Variants in MYBPC2 observed in about 807,000 individuals in gnomAD.
MYBPC2 encodes myosin binding protein C2.
MYBPC2 carries 122 observed loss-of-function variants against 137.0 expected under a neutral mutation model. The observed-to-expected ratio is 0.89, with a 90% confidence interval of 0.77 to 1.03. The LOEUF (loss-of-function observed/expected upper bound fraction) is 1.03, where lower values mean the gene tolerates loss of function less well. Ranked by LOEUF, MYBPC2 falls within the 50% of genes least tolerant of loss-of-function variation. The probability of loss-of-function intolerance (pLI) is 0.00; values close to 1 mark genes in which losing one functional copy is unlikely to be tolerated. For synonymous variants in MYBPC2, 626 were observed against 612.3 expected (o/e 1.02, Z -0.33); for missense variants, 1,500 against 1,534.4 (o/e 0.98, Z 0.37).
chr19:50,443,788 G>T lies in MYBPC2; in HGVS notation c.1105G>T (p.Val369Leu), dbSNP rs1181929110. Residue 369 changes from valine to leucine, a missense_variant, in exon 11 of 28, where the codon GTG (valine) becomes TTG (leucine). Coordinates refer to ENST00000357701, the MANE Select transcript of MYBPC2 (RefSeq NM_004533.4). ...VGDRVEMAVEVSEEGAQVMWM... is the reference protein window; with the variant it reads ...VGDRVEMAVELSEEGAQVMWM... ...TGACCGGGTGGAAATGGCAGTGGAG[G>T]TGTCAGAAGAGGGTGCCCAGGTGAT... 6 of 1,613,792 alleles carry T rather than the reference G, an allele frequency of 3.7e-6. No individual in the cohort carries two copies.
intron 1 of MYBPC2, among the ~76,000 whole-genome samples, chr19:50,433,330 T>C (rs3816551): frequency 0.47 from 71,830 of 151,544 alleles, 17,444 homozygotes; most frequent in African/African-American, 0.55. Context: ...TGGTTGTAAA[T>C]TGGGTTCCTT....
chr19:50,438,437 G>T (rs1338606486), intron 7 of MYBPC2, among the ~76,000 whole-genome samples: 1 of 152,162 alleles, frequency 6.6e-6, no homozygotes, highest in Non-Finnish European at 1.5e-5. Flanking sequence ...TGGATGGGGT[G>T]GGTGGACGAT....
intron 20 of MYBPC2, 140 bp downstream of exon 20, chr19:50,455,784 C>A: frequency 7.8e-7 from 1 of 1,278,816 alleles, no homozygotes; most frequent in Non-Finnish European, 1.0e-6. Flanking sequence ...TGTTATAAGT[C>A]TCTGGGATGG....
At chr19:50,459,936 A>G in intron 23 of MYBPC2, 104 bp from the exon 24 acceptor site, 1 of 1,469,964 alleles carries the variant, frequency 6.8e-7, no homozygotes, top group Non-Finnish European at 9.2e-7. Context: ...ATGGGGCATA[A>G]GAGAGGTTAG....
Position 50,435,233 on chromosome 19 carries a change from C to A in MYBPC2, c.92C>A (p.Pro31His). 1 of 1,266,756 alleles carries A rather than the reference C, an allele frequency of 7.9e-7. No homozygotes were observed. Among genetic ancestry groups the A allele is most frequent in the East Asian group, 2.4e-5 (1 of 42,218 alleles). The allele number at this position is 1,266,756 out of a possible 1,614,324, so 78.5% of individuals were successfully genotyped here. The change falls in exon 2 of 28, where the codon CCT becomes CAT. Residue 31 changes from proline to histidine, a missense_variant. Transcript: ENST00000357701. This position sits in a 1 kb window ranked among gnomAD's most constrained non-coding sequence, Gnocchi z 4.8. ...AAGGAGGCTCCCCCTAAGGAGGCTC[C>A]TGCAGAGGCCCCCAAAGGTGAGGAG... ...APKEAPPKEA[P>H]AEAPKEAPPE...
In MYBPC2 at chr19:50,464,297, G is replaced by T. The variant is rs766867838; in HGVS notation, c.3229-49G>T. 7.2e-6 allele frequency: 11 copies of T among 1,517,390 alleles called. No individual in the cohort carries two copies. The South Asian group carries it at 1.4e-4, about 19-fold the overall frequency. 94.0% of individuals were successfully genotyped at this position (1,517,390 alleles called of 1,614,324 possible). On this transcript the variant is annotated intron_variant, in intron 26 of 27. Coordinates refer to ENST00000357701, the MANE Select transcript of MYBPC2 (RefSeq NM_004533.4). ...TCCTGAGCCCCATTTTGTCATCATT[G>T]CCCAGGGTCTCTCTCTAAGTTGGCC...
At chr19:50,458,049 C>G (rs934847311) in intron 20 of MYBPC2, among the ~76,000 whole-genome samples, 5 of 151,584 alleles carry the variant, frequency 3.3e-5, no homozygotes, top group African/African-American at 1.2e-4. Flanking sequence ...TAATGAACAA[C>G]GCCTATAATC....
chr19:50,438,820 C>T (rs556881312), intron 7 of MYBPC2, among the ~76,000 whole-genome samples: 7 of 152,104 alleles, frequency 4.6e-5, no homozygotes, highest in Non-Finnish European at 1.0e-4. Context: ...GAGCCATGAT[C>T]GCGCCACTGC....
In MYBPC2 at chr19:50,440,323, AAAAT is replaced by A. The variant is rs58778063; in HGVS notation, c.573-520_573-517del. 4.1e-3 allele frequency among the ~76,000 whole-genome samples: 573 copies of A among 139,102 alleles called. 2 individuals carry two copies. Among genetic ancestry groups the A allele is most frequent in the African/African-American group, 1.0e-2 (371 of 37,250 alleles). 91.3% of individuals were successfully genotyped at this position (139,102 alleles called of 152,430 possible). On this transcript the variant is annotated intron_variant, in intron 7 of 27. Coordinates refer to ENST00000357701, the MANE Select transcript of MYBPC2 (RefSeq NM_004533.4). ...CTGTTTCCCAATAACCTGTGGAAATAAAATAAATAAATAAATAAATAAATAAATA... is the reference window on the plus strand; with the variant it reads ...CTGTTTCCCAATAACCTGTGGAAATAAAATAAATAAATAAATAAATAAATA...
At position 50,434,900 on chromosome 19, in the gene MYBPC2, C is replaced by T. The variant is rs151098140; in HGVS notation, c.20-261C>T. On this transcript the variant is annotated intron_variant, in intron 1 of 27. Transcript: ENST00000357701. ...GGTGGCCTGGGCGGATGGGGCAGGG[C>T]CTGCTGGGGGTAAGGGAAACCCGAT... Among the ~76,000 whole-genome samples the T allele has an allele frequency of 6.5e-3, 988 of 152,206 alleles. 11 individuals are homozygous for T. The highest frequency in any genetic ancestry group is 0.023 in the African/African-American group (942 of 41,516).
Position 50,462,048 on chromosome 19 carries a change from G to A in MYBPC2, c.3228+12G>A. On this transcript the variant is annotated intron_variant, in intron 26 of 27. Transcript: ENST00000357701. Reference sequence around the variant, plus strand: ...GAGGCCACCCGAAGGTGCCAGGGCAGGGACCCAGATCTGCGTGTGTGTTGC... The same window carrying A: ...GAGGCCACCCGAAGGTGCCAGGGCAAGGACCCAGATCTGCGTGTGTGTTGC... 6.4e-7 allele frequency: 1 copy of A among 1,569,622 alleles called. No homozygotes were observed. The highest frequency in any genetic ancestry group is 8.6e-7 in the Non-Finnish European group (1 of 1,157,086).
In MYBPC2 at chr19:50,440,053, G is replaced by A. The variant is rs141107632; in HGVS notation, c.573-827G>A. ...CAAGCAGCTTGGTTCAGGTGACTTTGGGGGGAGTGACGGAAGTAGCTGGGG... is the reference window on the plus strand; with the variant it reads ...CAAGCAGCTTGGTTCAGGTGACTTTAGGGGGAGTGACGGAAGTAGCTGGGG... On this transcript the variant is annotated intron_variant, in intron 7 of 27. Transcript: ENST00000357701. 5.2e-3 allele frequency among the ~76,000 whole-genome samples: 790 copies of A among 152,200 alleles called. 4 individuals carry two copies. Among genetic ancestry groups the A allele is most frequent in the African/African-American group, 0.018 (760 of 41,532 alleles).
chr19:50,453,703 G>C (rs1201333639), intron 16 of MYBPC2, among the ~76,000 whole-genome samples: 1 of 151,970 alleles, frequency 6.6e-6, no homozygotes, highest in African/African-American at 2.4e-5. Context: ...ACCAGGCCCG[G>C]CTAATTTTGT....
chr19:50,443,852 G>A (rs1263861417), intron 11 of MYBPC2, 36 bp downstream of exon 11: 20 of 1,576,724 alleles, frequency 1.3e-5, no homozygotes, highest in Non-Finnish European at 1.7e-5. Context: ...CCATACAGGT[G>A]CACATAGTTT....
In MYBPC2 at chr19:50,454,292, G is replaced by A. The variant is rs2039888039; in HGVS notation, c.1937G>A (p.Arg646His). The change falls in exon 18 of 28, where the codon CGC (arginine) becomes CAC (histidine). Residue 646 changes from arginine to histidine, a missense_variant. By Grantham distance (29) the Arg-to-His change is conservative (BLOSUM62 0). Coordinates refer to ENST00000357701, the MANE Select transcript of MYBPC2 (RefSeq NM_004533.4). ...GTCCCAGACCCCCCGGAGGCTGTGCGCATCACCTCGGTTGGAGAGGATTGG... is the reference window on the plus strand; with the variant it reads ...GTCCCAGACCCCCCGGAGGCTGTGCACATCACCTCGGTTGGAGAGGATTGG... ...VDVPDPPEAVRITSVGEDWAI... is the reference protein window; with the variant it reads ...VDVPDPPEAVHITSVGEDWAI... The A allele has an allele frequency of 3.1e-6, 5 of 1,613,920 alleles. No homozygotes were observed. Among genetic ancestry groups the A allele is most frequent in the East Asian group, 2.2e-5 (1 of 44,876 alleles).
Position 50,460,126 on chromosome 19 carries a change from G to T in MYBPC2, c.2878G>T (p.Gly960Trp), listed in dbSNP as rs1262176494. 4 of 1,579,042 alleles carry T rather than the reference G, an allele frequency of 2.5e-6. No individual in the cohort carries two copies. In the East Asian group the frequency reaches 9.4e-5, roughly 37 times the overall value. ...GGAGTGGCAGGCCCCCAAAGATGAT[G>T]GGAACAGTGAGATCATGGGGTATTT... ...LVEWQAPKDD[G>W]NSEIMGYFVQ... Residue 960 changes from glycine (G) to tryptophan (W), a missense_variant, in exon 24 of 28, where the codon GGG (glycine) becomes TGG (tryptophan). Gly to Trp is a radical substitution (Grantham distance 184). Coordinates refer to ENST00000357701, the MANE Select transcript of MYBPC2 (RefSeq NM_004533.4).
rs2039958425 is a variant in MYBPC2, at chr19:50,460,106, G to T, written c.2858G>T (p.Trp953Leu). 4.4e-6 allele frequency: 7 copies of T among 1,580,230 alleles called. No individual in the cohort carries two copies. The highest frequency in any genetic ancestry group is 6.0e-6 in the Non-Finnish European group (7 of 1,164,392). ...TGGGGCACGAACGCGCTGGTGGAGT[G>T]GCAGGCCCCCAAAGATGATGGGAAC... ...EVWGTNALVEWQAPKDDGNSE... is the reference protein window; with the variant it reads ...EVWGTNALVELQAPKDDGNSE... The change falls in exon 24 of 28, where the codon TGG becomes TTG. Residue 953 changes from tryptophan to leucine, a missense_variant. Transcript: ENST00000357701.
rs773357591 is a variant in MYBPC2, at chr19:50,435,165, CA to C, written c.29del (p.Lys10ArgfsTer46). 82 of 1,324,960 alleles carry C rather than the reference CA, an allele frequency of 6.2e-5. No individual in the cohort carries two copies. The highest frequency in any genetic ancestry group is 8.5e-5 in the Non-Finnish European group (78 of 922,002). The allele number at this position is 1,324,960 out of a possible 1,614,324, so 82.1% of individuals were successfully genotyped here. ...TGACTGTCCCCTACCTTACAGCGGC[CA>C]AAAAGGCCCCCAAAGGCAAAGATGC... MPEAKPAA[K>X]KAPKGKDAPK... On this transcript the variant is annotated frameshift_variant, in exon 2 of 28. Transcript: ENST00000357701. LOFTEE classifies it high-confidence loss of function. The surrounding 1 kb of genome is among the most constrained non-coding windows in gnomAD (Gnocchi z 4.8).
At position 50,442,114 on chromosome 19, in the gene MYBPC2, C is replaced by T. The variant is rs2122585870; in HGVS notation, c.770-67C>T. 13 of 1,522,850 alleles carry T rather than the reference C, an allele frequency of 8.5e-6. No homozygotes were observed. The South Asian group carries it at 1.1e-4, about 13-fold the overall frequency. 94.3% of individuals were successfully genotyped at this position (1,522,850 alleles called of 1,614,324 possible). On this transcript the variant is annotated intron_variant, in intron 8 of 27. Transcript: ENST00000357701. Reference sequence around the variant, plus strand: ...AGGGCCTGGGGAGGGAGATGTGGTGCCTCTGGGGATGACCAGGGGAATGAG... The same window carrying T: ...AGGGCCTGGGGAGGGAGATGTGGTGTCTCTGGGGATGACCAGGGGAATGAG...
Sources: gnomAD v4.1 joint callset for allele counts (sites outside exome capture counted in the v4.1 genomes callset) on GRCh38, gnomAD v4.1.1 for gene constraint, Gnocchi (gnomAD v3.1) non-coding constraint, MANE v1.5 for transcripts, NCBI Gene and HGNC (gene_info 2026-07-23, HGNC 2026-07-21) for gene names.